Variants in SNTG2 observed in about 807,000 individuals in gnomAD.
The protein encoded by SNTG2 is gamma-2-syntrophin.
Under a neutral mutation model 70.9 loss-of-function variants are expected in SNTG2, and 74 were observed. That is an observed-to-expected ratio of 1.04 (90% confidence interval 0.86 to 1.27). SNTG2 has a LOEUF of 1.27. Ranked by LOEUF, SNTG2 falls within the 50% of genes most tolerant of loss-of-function variation. The pLI is 0.00. For synonymous variants in SNTG2, 278 were observed against 273.8 expected (o/e 1.02, Z -0.15); for missense variants, 717 against 690.7 (o/e 1.04, Z -0.43).
chr2:1,329,746 G>A (rs1659422117), intron 16 of SNTG2, among the ~76,000 whole-genome samples: 1 of 152,336 alleles, frequency 6.6e-6, no homozygotes, highest in Non-Finnish European at 1.5e-5. Context: ...AATGAGTGCT[G>A]TACGCATCGT....
intron 9 of SNTG2, among the ~76,000 whole-genome samples, chr2:1,222,475 G>A (rs112103138): frequency 7.8e-5 from 11 of 141,542 alleles, no homozygotes; most frequent in Admixed American, 1.4e-4. Context: ...GTGCTGGATC[G>A]CTGTAGAGGA....
chr2:1,035,205 C>T (rs1200598803), intron 1 of SNTG2, among the ~76,000 whole-genome samples: 1 of 152,144 alleles, frequency 6.6e-6, no homozygotes, highest in African/African-American at 2.4e-5. Context: ...TTATTCAGTG[C>T]ATTGCTTCCT....
chr2:1,008,084 C>A (rs971017585), intron 1 of SNTG2, among the ~76,000 whole-genome samples: 4 of 152,172 alleles, frequency 2.6e-5, no homozygotes, highest in Non-Finnish European at 4.4e-5. Flanking sequence ...CTTGTTATTT[C>A]TTGGCCTTAC....
chr2:1,317,535 C>G (rs560411684), intron 16 of SNTG2, among the ~76,000 whole-genome samples: 178 of 116,638 alleles, frequency 1.5e-3, no homozygotes, highest in African/African-American at 5.9e-3. Context: ...CATTTAGCAT[C>G]AGGCCAGCAT....
intron 1 of SNTG2, among the ~76,000 whole-genome samples, chr2:1,072,332 C>CTTTTTTTTTTTTTTTTTTTTTT (rs1242829771): frequency 1.0e-5 from 1 of 100,382 alleles, no homozygotes; most frequent in Non-Finnish European, 1.9e-5. Flanking sequence ...TTTTCTTTTT[C>CTTTTTTTTTTTTTTTTTTTTTT]TTTTCTTTTT....
intron 8 of SNTG2, among the ~76,000 whole-genome samples, chr2:1,197,811 G>T (rs910845857): frequency 3.3e-5 from 5 of 152,012 alleles, no homozygotes; most frequent in Non-Finnish European, 7.4e-5. Context: ...TGGATTACAG[G>T]CATGAGCCAA....
chr2:1,105,643 G>T (rs1025348962), intron 4 of SNTG2, among the ~76,000 whole-genome samples: 10 of 152,176 alleles, frequency 6.6e-5, no homozygotes, highest in African/African-American at 2.4e-4. Flanking sequence ...GCATGGTTCA[G>T]TACTGAGGAT....
intron 13 of SNTG2, 84 bp downstream of exon 13, chr2:1,259,525 G>C: frequency 8.8e-7 from 1 of 1,131,278 alleles, no homozygotes; most frequent in Non-Finnish European, 1.3e-6. Flanking sequence ...TTTGTTCTGC[G>C]TGGTCCATTG....
At chr2:1,350,117 C>A (rs1355716549) in intron 16 of SNTG2, among the ~76,000 whole-genome samples, 1 of 152,048 alleles carries the variant, frequency 6.6e-6, no homozygotes, top group East Asian at 1.9e-4. Flanking sequence ...TGCTATCACC[C>A]CCCCAGTGCC....
chr2:1,332,312 G>A (rs929802135), intron 16 of SNTG2, among the ~76,000 whole-genome samples: 2 of 152,174 alleles, frequency 1.3e-5, no homozygotes, highest in African/African-American at 4.8e-5. Flanking sequence ...CAAGGACAAG[G>A]ACGAGGTGGA....
At chr2:956,148 G>A (rs1246889493) in intron 1 of SNTG2, among the ~76,000 whole-genome samples, 1 of 15,156 alleles carries the variant, frequency 6.6e-5, no homozygotes, top group East Asian at 1.2e-3. Context: ...ACCGCGCCCC[G>A]CCCCTGCCCC....
At chr2:1,118,052 T>C (rs1331980181) in intron 4 of SNTG2, among the ~76,000 whole-genome samples, 1 of 152,136 alleles carries the variant, frequency 6.6e-6, no homozygotes, top group Non-Finnish European at 1.5e-5. Flanking sequence ...AGGTCTGAAC[T>C]GCCAGAGTCT....
intron 16 of SNTG2, among the ~76,000 whole-genome samples, chr2:1,350,588 C>T (rs1414844501): frequency 2.0e-5 from 3 of 152,190 alleles, no homozygotes; most frequent in Admixed American, 1.3e-4. Context: ...TATAAGCACA[C>T]TGTCATTTGC....
At chr2:1,304,944 A>T (rs1680610499) in intron 14 of SNTG2, among the ~76,000 whole-genome samples, 1 of 152,120 alleles carries the variant, frequency 6.6e-6, no homozygotes, top group Non-Finnish European at 1.5e-5. Context: ...TGATATTTTC[A>T]TATAAAGAGT....
At chr2:1,303,860 A>G (rs1680563488) in intron 14 of SNTG2, among the ~76,000 whole-genome samples, 1 of 152,256 alleles carries the variant, frequency 6.6e-6, no homozygotes, top group Non-Finnish European at 1.5e-5. Flanking sequence ...CTCGCAACTT[A>G]AACTGAAGAG....
intron 1 of SNTG2, among the ~76,000 whole-genome samples, chr2:1,070,504 T>G (rs1663461826): frequency 6.6e-6 from 1 of 152,214 alleles, no homozygotes; most frequent in African/African-American, 2.4e-5. Context: ...ACTCATATTA[T>G]TTTTAATGTT....
chr2:1,296,522 T>G (rs1176865879), intron 14 of SNTG2, among the ~76,000 whole-genome samples: 1 of 152,202 alleles, frequency 6.6e-6, no homozygotes, highest in Non-Finnish European at 1.5e-5. Context: ...TTAGTAAAAC[T>G]GAAAAATACA....
intron 1 of SNTG2, among the ~76,000 whole-genome samples, chr2:961,297 C>G (rs1339934092): frequency 1.3e-5 from 2 of 152,134 alleles, no homozygotes; most frequent in African/African-American, 2.4e-5. Context: ...ACCTCTGCCT[C>G]TGGGATTCAA....
intron 16 of SNTG2, among the ~76,000 whole-genome samples, chr2:1,322,399 C>T (rs1448436735): frequency 6.6e-6 from 1 of 152,198 alleles, no homozygotes; most frequent in East Asian, 1.9e-4. Flanking sequence ...GAAACCAGGT[C>T]AGGTGCGTCC....
Sources: gnomAD v4.1 joint callset for allele counts (sites outside exome capture counted in the v4.1 genomes callset) on GRCh38, gnomAD v4.1.1 for gene constraint, MANE v1.5 for transcripts, NCBI Gene and HGNC (gene_info 2026-07-23, HGNC 2026-07-21) for gene names.